Variants in CSMD1 observed in about 807,000 individuals in gnomAD.
CSMD1 encodes CUB and sushi domain-containing protein 1.
CSMD1 carries 213 observed loss-of-function variants against 417.5 expected under a neutral mutation model. The observed-to-expected ratio is 0.51, with a 90% CI of 0.46 to 0.57. The LOEUF (loss-of-function observed/expected upper bound fraction) is 0.57, where lower values mean the gene tolerates loss of function less well. Ranked by LOEUF, CSMD1 falls within the 20% of genes least tolerant of loss-of-function variation. The probability of loss-of-function intolerance (pLI) is 0.00; values close to 1 mark genes in which losing one functional copy is unlikely to be tolerated. For synonymous variants in CSMD1, 2,862 were observed against 1,736.8 expected, an observed-to-expected ratio of 1.65 and a Z score of -16.11; for missense variants, 6,923 against 4,529.7, an observed-to-expected ratio of 1.53 and a Z score of -15.17.
intron 2 of CSMD1, among the ~76,000 whole-genome samples, chr8:4,608,192 A>G (rs1800984651): frequency 6.6e-6 from 1 of 152,152 alleles, no homozygotes; most frequent in Non-Finnish European, 1.5e-5. Context: ...AAAGAGTTTG[A>G]CTTCTACTCC....
chr8:3,599,660 G>C (rs1333702483), intron 8 of CSMD1, among the ~76,000 whole-genome samples: 3 of 152,148 alleles, frequency 2.0e-5, no homozygotes, highest in Non-Finnish European at 4.4e-5. Context: ...TGTAACTGCA[G>C]CTTTATGCCT....
intron 15 of CSMD1, among the ~76,000 whole-genome samples, chr8:3,400,313 A>G (rs1418989013): frequency 6.6e-6 from 1 of 152,188 alleles, no homozygotes; most frequent in Non-Finnish European, 1.5e-5. Context: ...ATTAGCAATC[A>G]TCTTTGTGGA....
At chr8:3,552,707 G>C (rs1386525092) in intron 10 of CSMD1, among the ~76,000 whole-genome samples, 1 of 152,162 alleles carries the variant, frequency 6.6e-6, no homozygotes, top group Non-Finnish European at 1.5e-5. Context: ...TGAAGTTTTA[G>C]ACTACGAAAT....
At chr8:4,013,628 A>G (rs1488434638) in intron 4 of CSMD1, among the ~76,000 whole-genome samples, 1 of 152,138 alleles carries the variant, frequency 6.6e-6, no homozygotes, top group Non-Finnish European at 1.5e-5. Flanking sequence ...TTGCTTATTT[A>G]TGTTATCTAT....
intron 6 of CSMD1, among the ~76,000 whole-genome samples, chr8:3,730,228 T>C (rs1328462253): frequency 6.6e-6 from 1 of 152,170 alleles, no homozygotes; most frequent in East Asian, 1.9e-4. Context: ...TGATTCCCCA[T>C]ATGGTTAAAT....
intron 2 of CSMD1, among the ~76,000 whole-genome samples, chr8:4,471,731 G>T (rs568993849): frequency 8.2e-6 from 1 of 122,648 alleles, no homozygotes; most frequent in South Asian, 2.6e-4. Context: ...CAGCAAACAC[G>T]CGGAGAAAAG....
At chr8:3,044,204 A>G (rs1240416706) in intron 50 of CSMD1, among the ~76,000 whole-genome samples, 1 of 152,228 alleles carries the variant, frequency 6.6e-6, no homozygotes, top group Non-Finnish European at 1.5e-5. Context: ...ACCAGACTGT[A>G]CTGTCCTTCA....
chr8:4,911,384 T>A (rs57582372), intron 1 of CSMD1, among the ~76,000 whole-genome samples: 8,572 of 152,248 alleles, frequency 0.056, 605 homozygotes, highest in African/African-American at 0.16. Context: ...TCTGTTGGTC[T>A]TTCTCTAGAT....
intron 47 of CSMD1, among the ~76,000 whole-genome samples, chr8:3,096,084 T>C (rs1385441036): frequency 6.6e-6 from 1 of 152,184 alleles, no homozygotes; most frequent in African/African-American, 2.4e-5. Context: ...CTAAAATATC[T>C]TGTGAATTGA....
intron 5 of CSMD1, among the ~76,000 whole-genome samples, chr8:3,914,543 TA>T (rs1440007063): frequency 6.6e-6 from 1 of 152,232 alleles, no homozygotes; most frequent in African/African-American, 2.4e-5. Context: ...AAAGTATCAA[TA>T]GTTTCCACTG....
At chr8:4,976,496 G>A (rs76315034) in intron 1 of CSMD1, among the ~76,000 whole-genome samples, 22,980 of 152,112 alleles carry the variant, frequency 0.15, 2,018 homozygotes, top group African/African-American at 0.23. Context: ...ATATTACGTT[G>A]TTTTTTATCC....
At chr8:4,087,879 C>G (rs1393654893) in intron 3 of CSMD1, among the ~76,000 whole-genome samples, 1 of 152,108 alleles carries the variant, frequency 6.6e-6, no homozygotes, top group Non-Finnish European at 1.5e-5. Context: ...TTCTACCCTG[C>G]TTAACTCTGC....
At chr8:3,358,185 C>G (rs752896635) in intron 21 of CSMD1, among the ~76,000 whole-genome samples, 1 of 152,174 alleles carries the variant, frequency 6.6e-6, no homozygotes, top group Non-Finnish European at 1.5e-5. Flanking sequence ...GCCTCCAGTT[C>G]GTTAACTGGT....
chr8:4,070,208 TTCTTG>T (rs1451528586), intron 3 of CSMD1, among the ~76,000 whole-genome samples: 1 of 152,194 alleles, frequency 6.6e-6, no homozygotes, highest in East Asian at 1.9e-4. Context: ...TTTTCTGTGT[TTCTTG>T]TCTTTTCTTT....
intron 5 of CSMD1, among the ~76,000 whole-genome samples, chr8:3,988,584 C>A (rs1814508695): frequency 6.6e-6 from 1 of 152,184 alleles, no homozygotes; most frequent in South Asian, 2.1e-4. Context: ...TTGAAAAGAT[C>A]TCCAGTGAGT....
At chr8:3,234,836 G>A (rs939328361) in intron 26 of CSMD1, among the ~76,000 whole-genome samples, 3 of 152,206 alleles carry the variant, frequency 2.0e-5, no homozygotes, top group African/African-American at 7.2e-5. Flanking sequence ...TACCCTTCCT[G>A]AACCAGCATT....
intron 5 of CSMD1, among the ~76,000 whole-genome samples, chr8:3,768,565 G>C (rs1798408766): frequency 6.6e-6 from 1 of 152,150 alleles, no homozygotes; most frequent in African/African-American, 2.4e-5. Flanking sequence ...CTGCTAAACA[G>C]AAACAAGAGT....
At chr8:3,245,872 T>C (rs1373380218) in intron 26 of CSMD1, among the ~76,000 whole-genome samples, 1 of 152,182 alleles carries the variant, frequency 6.6e-6, no homozygotes, top group Non-Finnish European at 1.5e-5. Context: ...AAGAGATTTC[T>C]TTGCAATTTC....
At chr8:3,496,252 G>C (rs772504769) in intron 10 of CSMD1, among the ~76,000 whole-genome samples, 14 of 152,186 alleles carry the variant, frequency 9.2e-5, no homozygotes, top group African/African-American at 1.9e-4. Flanking sequence ...AAGAAAGCCA[G>C]TCTCTTTGCC....
Sources: gnomAD v4.1 joint callset for allele counts (sites outside exome capture counted in the v4.1 genomes callset) on GRCh38, gnomAD v4.1.1 for gene constraint, MANE v1.5 for transcripts, NCBI Gene and HGNC (gene_info 2026-07-23, HGNC 2026-07-21) for gene names.